Variants in ADCY8 observed in about 807,000 individuals in gnomAD.
The protein encoded by ADCY8 is adenylate cyclase type 8.
Under a neutral mutation model 119.7 loss-of-function variants are expected in ADCY8, and 51 were observed. The observed-to-expected ratio is 0.43, with a 90% CI of 0.34 to 0.54. The LOEUF (loss-of-function observed/expected upper bound fraction) is 0.54, where lower values mean the gene tolerates loss of function less well. Among genes scored for constraint, ADCY8 ranks in the 20% least tolerant of loss-of-function variants. ADCY8 has a pLI of 0.03. For missense variants in ADCY8, 1,383 were observed against 1,598.8 expected (o/e 0.87, Z 2.30); for synonymous variants, 665 against 651.0 (o/e 1.02, Z -0.33).
chr8:130,954,198 G>A (rs564099222), intron 2 of ADCY8, among the ~76,000 whole-genome samples: 1 of 152,320 alleles, frequency 6.6e-6, no homozygotes, highest in Non-Finnish European at 1.5e-5. Context: ...TTACAGTGAT[G>A]TTTTAATAAC....
At chr8:130,800,398 A>G (rs764924951) in intron 15 of ADCY8, 28 bp downstream of exon 15, 1 of 1,613,384 alleles carries the variant, frequency 6.2e-7, no homozygotes, top group Admixed American at 1.7e-5. Flanking sequence ...CCCATTTGTG[A>G]TTGTAAATGT....
chr8:130,801,141 G>T (rs73715591), intron 14 of ADCY8, among the ~76,000 whole-genome samples: 26,850 of 152,162 alleles, frequency 0.18, 3,049 homozygotes, highest in African/African-American at 0.32. Context: ...AAAATTCATG[G>T]TCTCCAGCCT....
chr8:130,871,947 C>A lies in ADCY8; in HGVS notation c.2110-4001G>T, dbSNP rs184361571. Among the ~76,000 whole-genome samples, 41 of 152,170 alleles carry A rather than the reference C, an allele frequency of 2.7e-4. No individual in the cohort carries two copies. In the East Asian group the frequency reaches 7.9e-3, roughly 29 times the overall value. The stretch of plus-strand genomic sequence containing the variant: ...TCTACAAGAGAACTTGGCAATCACA[C>A]ACACACACACGCACGTGCACACACA... On this transcript the variant is annotated intron_variant, in intron 8 of 17. Coordinates refer to ENST00000286355, the MANE Select transcript of ADCY8 (RefSeq NM_001115.3).
chr8:130,816,330 G>T (rs564768026), intron 13 of ADCY8, among the ~76,000 whole-genome samples: 2 of 151,490 alleles, frequency 1.3e-5, no homozygotes, highest in African/African-American at 4.9e-5. Flanking sequence ...TCCAAGAGGA[G>T]AAAAGTGTAT....
chr8:130,947,682 T>C (rs1821144670), intron 3 of ADCY8, among the ~76,000 whole-genome samples: 1 of 152,204 alleles, frequency 6.6e-6, no homozygotes, highest in Admixed American at 6.5e-5. Flanking sequence ...TTTTTGATCC[T>C]TGACAATTGG....
intron 14 of ADCY8, among the ~76,000 whole-genome samples, chr8:130,809,728 G>T (rs150421101): frequency 5.1e-4 from 78 of 152,302 alleles, no homozygotes; most frequent in Middle Eastern, 3.4e-3. Flanking sequence ...GGCTTAATAC[G>T]TTGGGATTTT....
intron 6 of ADCY8, among the ~76,000 whole-genome samples, chr8:130,907,737 TCTTTC>T (rs1819835812): frequency 6.6e-6 from 1 of 152,224 alleles, no homozygotes; most frequent in African/African-American, 2.4e-5. Context: ...TTTATTCGTT[TCTTTC>T]CTTTTTCAAC....
rs756739239 is a variant in ADCY8, at chr8:131,039,846, G to T, written c.488C>A (p.Ser163Tyr). The T allele has an allele frequency of 6.8e-6, 11 of 1,614,046 alleles. No homozygotes were observed. The highest frequency in any genetic ancestry group is 9.3e-6 in the Non-Finnish European group (11 of 1,180,018). Residue 163 changes from serine (S) to tyrosine (Y), a missense_variant, in exon 1 of 18, where the codon TCT becomes TAT. By Grantham distance (144) the Ser-to-Tyr change is moderately radical. Coordinates refer to ENST00000286355, the MANE Select transcript of ADCY8 (RefSeq NM_001115.3). The stretch of plus-strand genomic sequence containing the variant: ...CTGGTAGAGGCGTTCCAAATCCCGA[G>T]ATTTGAAGGAGTTGCGCAGGGTGGG... Reference protein sequence around the residue: ...IFPTLRNSFKSRDLERLYQRY... With the variant: ...IFPTLRNSFKYRDLERLYQRY...
rs180902603 is a variant in ADCY8, at chr8:130,889,002, G to A, written c.1912-4241C>T. Among the ~76,000 whole-genome samples the A allele has an allele frequency of 4.6e-5, 7 of 152,186 alleles. No homozygotes were observed. In the East Asian group the frequency reaches 5.8e-4, roughly 13 times the overall value. On this transcript the variant is annotated intron_variant, in intron 7 of 17. Transcript: ENST00000286355. ...CCATTTCAGGTCTTAGGGATCATAC[G>A]CTCAAATCTCAAAAGACCCTTTAAA...
At chr8:130,979,905 T>G (rs983474197) in intron 2 of ADCY8, among the ~76,000 whole-genome samples, 3 of 152,196 alleles carry the variant, frequency 2.0e-5, no homozygotes, top group Non-Finnish European at 2.9e-5. Context: ...GAAGTTGTAT[T>G]AGTATCCTAA....
In ADCY8 at chr8:131,040,176, C is replaced by T; in HGVS notation, c.158G>A (p.Gly53Glu). 1.3e-6 allele frequency: 2 copies of T among 1,534,342 alleles called. No individual in the cohort carries two copies. Among genetic ancestry groups the T allele is most frequent in the East Asian group, 2.4e-5 (1 of 40,880 alleles). ...RHITEQRFIH[G>E]HRGGSGSGSG... ...CCCGCTGCCGCTGCCTCCCCGGTGC[C>T]CGTGAATGAAGCGCTGCTCCGTGAT... is the stretch of plus-strand genomic sequence containing the variant. The change falls in exon 1 of 18, where the codon GGG becomes GAG. Residue 53 changes from glycine to glutamate, a missense_variant. Physicochemically the swap from Gly to Glu is moderately conservative, Grantham distance 98. Transcript: ENST00000286355.
At chr8:130,862,694 T>A (rs1817979204) in intron 9 of ADCY8, among the ~76,000 whole-genome samples, 1 of 152,208 alleles carries the variant, frequency 6.6e-6, no homozygotes, top group Non-Finnish European at 1.5e-5. Flanking sequence ...ATTACAGGCG[T>A]GAGCCACCGC....
At chr8:130,948,173 A>G (rs1821161091) in intron 3 of ADCY8, among the ~76,000 whole-genome samples, 1 of 152,250 alleles carries the variant, frequency 6.6e-6, no homozygotes, top group Non-Finnish European at 1.5e-5. Context: ...GAACACTTGC[A>G]TGAATAAACT....
intron 9 of ADCY8, among the ~76,000 whole-genome samples, chr8:130,864,724 T>TA (rs1818054829): frequency 6.6e-6 from 1 of 152,200 alleles, no homozygotes; most frequent in Non-Finnish European, 1.5e-5. Flanking sequence ...TTGATTTTCT[T>TA]AGAGTTTCCA....
chr8:130,996,323 G>A (rs1184202403), intron 1 of ADCY8, among the ~76,000 whole-genome samples: 1 of 151,870 alleles, frequency 6.6e-6, no homozygotes, highest in East Asian at 1.9e-4. Flanking sequence ...TTTTATTTGG[G>A]ACTTGAAAGA....
intron 1 of ADCY8, among the ~76,000 whole-genome samples, chr8:131,000,375 A>G (rs950148595): frequency 4.6e-5 from 7 of 152,174 alleles, no homozygotes; most frequent in African/African-American, 1.7e-4. Context: ...GGAAAAATGT[A>G]GGTAAAGGTC....
chr8:130,975,024 A>G (rs1586621695), intron 2 of ADCY8, among the ~76,000 whole-genome samples: 1 of 152,194 alleles, frequency 6.6e-6, no homozygotes, highest in African/African-American at 2.4e-5. Context: ...AATAAATGGG[A>G]AGCTGCTTCA....
chr8:131,038,463 A>G (rs1481771271), intron 1 of ADCY8, among the ~76,000 whole-genome samples: 2 of 152,210 alleles, frequency 1.3e-5, no homozygotes, highest in East Asian at 3.9e-4. Flanking sequence ...GTGCCATGCC[A>G]TTAATTAGCT....
At chr8:130,844,808 G>A (rs7843541) in intron 11 of ADCY8, among the ~76,000 whole-genome samples, 20,713 of 152,088 alleles carry the variant, frequency 0.14, 2,097 homozygotes, top group African/African-American at 0.29. Context: ...CAAGATGACC[G>A]TTTCATTGTG....
Sources: gnomAD v4.1 joint callset for allele counts (sites outside exome capture counted in the v4.1 genomes callset) on GRCh38, gnomAD v4.1.1 for gene constraint, MANE v1.5 for transcripts, NCBI Gene and HGNC (gene_info 2026-07-23, HGNC 2026-07-21) for gene names.